Variants in SMOC2 observed in about 807,000 individuals in gnomAD.
SMOC2 encodes SPARC-related modular calcium-binding protein 2.
A neutral mutation model predicts 61.4 loss-of-function variants in SMOC2; 39 were observed. The observed-to-expected ratio is 0.64, with a 90% CI of 0.49 to 0.83. SMOC2 has a LOEUF of 0.83. Among genes scored for constraint, SMOC2 ranks in the 40% least tolerant of loss-of-function variants. The pLI, the probability that SMOC2 is intolerant of heterozygous loss-of-function variation, is 0.00. For missense variants in SMOC2, 556 were observed against 592.9 expected, an observed-to-expected ratio of 0.94 and a Z score of 0.65; for synonymous variants, 247 against 239.9, an observed-to-expected ratio of 1.03 and a Z score of -0.27.
At position 168,441,340 on chromosome 6, in the gene SMOC2, C is replaced by T. The variant is rs906299915; in HGVS notation, c.-31C>T. The T allele has an allele frequency of 3.7e-5, 55 of 1,497,878 alleles. No homozygotes were observed. Among genetic ancestry groups the T allele is most frequent in the Non-Finnish European group, 4.8e-5 (54 of 1,130,572 alleles). 92.8% of individuals were successfully genotyped at this position (1,497,878 alleles called of 1,614,324 possible). The stretch of plus-strand genomic sequence containing the variant: ...TGCAGTGCCAGGGCGCAGGACGCGG[C>T]CGATCTCCCGCTCCCGCCACCTCCG... On this transcript the variant is annotated 5_prime_UTR_variant, in exon 1 of 13. Coordinates refer to ENST00000356284, the MANE Select transcript of SMOC2 (RefSeq NM_001166412.2).
At chr6:168,633,682 A>T (rs996259038) in intron 9 of SMOC2, among the ~76,000 whole-genome samples, 4 of 152,196 alleles carry the variant, frequency 2.6e-5, no homozygotes, top group African/African-American at 9.7e-5. Context: ...ATGGGAAAAA[A>T]TAACAGAGGT....
At chr6:168,500,303 AAAG>A (rs1419619225) in intron 1 of SMOC2, among the ~76,000 whole-genome samples, 9 of 150,874 alleles carry the variant, frequency 6.0e-5, no homozygotes, top group African/African-American at 9.8e-5. Flanking sequence ...AAAAAAAAAA[AAAG>A]AAGAAGAAAA....
intron 7 of SMOC2, among the ~76,000 whole-genome samples, chr6:168,560,454 A>G (rs1039882639): frequency 1.3e-5 from 2 of 152,238 alleles, no homozygotes; most frequent in African/African-American, 4.8e-5. Flanking sequence ...AACTCTTTCA[A>G]TAACTGAAGA....
intron 7 of SMOC2, among the ~76,000 whole-genome samples, chr6:168,585,613 C>G (rs61235341): frequency 0.015 from 2,298 of 152,312 alleles, 82 homozygotes; most frequent in Admixed American, 0.072. Context: ...GCATTTCACA[C>G]TCACAGGAGG....
chr6:168,558,014 G>A (rs1784287648), intron 7 of SMOC2, among the ~76,000 whole-genome samples: 4 of 152,190 alleles, frequency 2.6e-5, no homozygotes, highest in Admixed American at 2.6e-4. Flanking sequence ...GCATCTCTGA[G>A]GCTGACAGTG....
Position 168,666,721 on chromosome 6 carries a change from C to T in SMOC2, c.*283C>T, listed in dbSNP as rs1213811484. 3 of 472,622 alleles carry T rather than the reference C, an allele frequency of 6.3e-6. No individual in the cohort carries two copies. Among genetic ancestry groups the T allele is most frequent in the Non-Finnish European group, 1.2e-5 (3 of 260,480 alleles). The allele number at this position is 472,622 out of a possible 1,614,324, so 29.3% of individuals were successfully genotyped here. On this transcript the variant is annotated 3_prime_UTR_variant, in exon 13 of 13. Coordinates refer to ENST00000356284, the MANE Select transcript of SMOC2 (RefSeq NM_001166412.2). The stretch of plus-strand genomic sequence containing the variant: ...ATGCATTTAGGCTTAATTTCTTCGC[C>T]TTCCACATGTTAACAGTAGAGCTCT...
At chr6:168,648,819 G>T (rs937387037) in intron 9 of SMOC2, among the ~76,000 whole-genome samples, 1 of 152,166 alleles carries the variant, frequency 6.6e-6, no homozygotes, top group Non-Finnish European at 1.5e-5. Context: ...GGCAGCTCAC[G>T]TGTGCTTCAA....
intron 9 of SMOC2, among the ~76,000 whole-genome samples, chr6:168,650,171 T>C (rs185437260): frequency 6.6e-6 from 1 of 152,288 alleles, no homozygotes; most frequent in African/African-American, 2.4e-5. Flanking sequence ...AATGCCGTGG[T>C]GTGGACAAGT....
chr6:168,495,982 CTCTTT>C, intron 1 of SMOC2, among the ~76,000 whole-genome samples: 1 of 152,220 alleles, frequency 6.6e-6, no homozygotes, highest in Non-Finnish European at 1.5e-5. Context: ...CGCCTCCTCG[CTCTTT>C]TCTTTTAATG....
At chr6:168,546,237 A>C (rs2115102593) in intron 5 of SMOC2, among the ~76,000 whole-genome samples, 1 of 144,932 alleles carries the variant, frequency 6.9e-6, no homozygotes, top group African/African-American at 2.6e-5. Context: ...AAAATGATAT[A>C]AGCAAGCTTC....
chr6:168,474,145 A>G (rs1005412618), intron 1 of SMOC2, among the ~76,000 whole-genome samples: 1 of 152,090 alleles, frequency 6.6e-6, no homozygotes. Flanking sequence ...AGCATTTAGC[A>G]CAGGTGGGGA....
chr6:168,446,778 G>A (rs1781342233), intron 1 of SMOC2, among the ~76,000 whole-genome samples: 1 of 152,078 alleles, frequency 6.6e-6, no homozygotes, highest in Admixed American at 6.6e-5. Context: ...AGAGAACCAA[G>A]TAAAATATGA....
rs957708117 is a variant in SMOC2, at chr6:168,453,356, T to C, written c.84+11902T>C. Among the ~76,000 whole-genome samples, 1 of 152,158 alleles carries C rather than the reference T, an allele frequency of 6.6e-6. No homozygotes were observed. The highest frequency in any genetic ancestry group is 2.4e-5 in the African/African-American group (1 of 41,442). On this transcript the variant is annotated intron_variant, in intron 1 of 12. Transcript: ENST00000356284. The surrounding 1 kb of genome is among the most constrained non-coding windows in gnomAD (Gnocchi z 4.4). ...TGTCTCCGGGTCTCCTCCTCACTCT[T>C]CTCAGTCTACCCTGGAGTTCAACAA...
chr6:168,589,773 G>A (rs1199955243), intron 7 of SMOC2, among the ~76,000 whole-genome samples: 2 of 93,986 alleles, frequency 2.1e-5, no homozygotes, highest in Admixed American at 1.1e-4. Context: ...GGGGGCAGCC[G>A]GCCTGGTGGT....
intron 1 of SMOC2, among the ~76,000 whole-genome samples, chr6:168,480,041 A>G (rs1782171876): frequency 6.6e-6 from 1 of 152,180 alleles, no homozygotes; most frequent in Non-Finnish European, 1.5e-5. Flanking sequence ...TTCATTTTAC[A>G]GCTCAGTCTC....
At chr6:168,491,128 C>A (rs1398145726) in intron 1 of SMOC2, among the ~76,000 whole-genome samples, 1 of 152,220 alleles carries the variant, frequency 6.6e-6, no homozygotes, top group East Asian at 1.9e-4. Context: ...ATTTCTGCAT[C>A]ATCTCATGCA....
At chr6:168,609,354 AT>A (rs58171068) in intron 9 of SMOC2, among the ~76,000 whole-genome samples, 1 of 151,102 alleles carries the variant, frequency 6.6e-6, no homozygotes, top group African/African-American at 2.4e-5. Flanking sequence ...GGTTCTAGTA[AT>A]TTTTTTTTAA....
At chr6:168,539,251 A>T (rs1015947442) in intron 4 of SMOC2, among the ~76,000 whole-genome samples, 1 of 152,206 alleles carries the variant, frequency 6.6e-6, no homozygotes, top group Non-Finnish European at 1.5e-5. Context: ...CATGAAAATC[A>T]CTGTGTGTAG....
At chr6:168,634,557 A>T (rs1258490195) in intron 9 of SMOC2, among the ~76,000 whole-genome samples, 1 of 152,216 alleles carries the variant, frequency 6.6e-6, no homozygotes, top group Non-Finnish European at 1.5e-5. Flanking sequence ...GTTTCAGAAT[A>T]TTAAAAGTTC....
Sources: allele counts gnomAD v4.1 joint callset (sites outside exome capture counted in the v4.1 genomes callset), GRCh38; gene constraint gnomAD v4.1.1; non-coding constraint Gnocchi (gnomAD v3.1); transcripts MANE v1.5; gene names NCBI Gene and HGNC (gene_info 2026-07-23, HGNC 2026-07-21).